The following KATNA1 variants were observed in gnomAD, a reference collection of about 807,000 sequenced individuals.
KATNA1 encodes katanin p60 ATPase-containing subunit A1.
Under a neutral mutation model 62.6 loss-of-function variants are expected in KATNA1, and 42 were observed. That is an observed-to-expected ratio of 0.67 (90% CI 0.52 to 0.87). The LOEUF is 0.87. Among genes scored for constraint, KATNA1 ranks in the 40% least tolerant of loss-of-function variants. The pLI is 0.00. For synonymous variants in KATNA1, 186 were observed against 201.9 expected (o/e 0.92, Z 0.67); for missense variants, 498 against 612.5 (o/e 0.81, Z 1.97).
intron 4 of KATNA1, among the ~76,000 whole-genome samples, chr6:149,620,635 T>C (rs1392691082): frequency 1.3e-5 from 2 of 152,278 alleles, no homozygotes; most frequent in East Asian, 1.9e-4. Context: ...CATTTTCAAA[T>C]AACTAGAAGA....
chr6:149,644,202 G>C (rs774216653), intron 1 of KATNA1, among the ~76,000 whole-genome samples: 5 of 152,046 alleles, frequency 3.3e-5, no homozygotes, highest in Admixed American at 6.6e-5. Flanking sequence ...GCTGCTAAAA[G>C]TATATAGTTG....
intron 2 of KATNA1, among the ~76,000 whole-genome samples, chr6:149,633,885 G>A (rs1241667366): frequency 6.6e-6 from 1 of 151,966 alleles, no homozygotes; most frequent in African/African-American, 2.4e-5. Context: ...GAACCTGGGA[G>A]GCGGAGGTTG....
chr6:149,610,169 A>T (rs967714720), intron 4 of KATNA1, among the ~76,000 whole-genome samples: 5 of 151,552 alleles, frequency 3.3e-5, no homozygotes, highest in African/African-American at 1.2e-4. Flanking sequence ...GTGTGGTAGC[A>T]CACATCTGTA....
At position 149,603,306 on chromosome 6, in the gene KATNA1, T is replaced by C. The variant is rs1015844305; in HGVS notation, c.691A>G (p.Met231Val). Reference sequence around the variant, plus strand: ...CTAATGCCCTTAAAGAATTCGGGCATCCACATTGGTAACACTACGGCTTCC... The same window carrying C: ...CTAATGCCCTTAAAGAATTCGGGCACCCACATTGGTAACACTACGGCTTCC... ...LKEAVVLPMW[M>V]PEFFKGIRRP... The change falls in exon 6 of 11, where the codon ATG becomes GTG. Residue 231 changes from methionine (M) to valine (V), a missense_variant. Transcript: ENST00000367411. The C allele has an allele frequency of 3.1e-6, 5 of 1,595,620 alleles. No homozygotes were observed. In the Admixed American group the frequency reaches 5.1e-5, roughly 16 times the overall value.
chr6:149,622,174 C>T (rs1207505691), intron 4 of KATNA1, among the ~76,000 whole-genome samples: 1 of 151,470 alleles, frequency 6.6e-6, no homozygotes, highest in Non-Finnish European at 1.5e-5. Flanking sequence ...GCTCTGTCGC[C>T]CAGGCTGGAG....
rs758877724 is a variant in KATNA1 at position 149,597,123 on chromosome 6, A to G, written c.1217T>C (p.Leu406Pro). 6.2e-7 allele frequency: 1 copy of G among 1,614,154 alleles called. No homozygotes were observed. Among genetic ancestry groups the G allele is most frequent in the East Asian group, 2.2e-5 (1 of 44,894 alleles). ...RELELADDVD[L>P]ASIAENMEGY... ...TTCCATGTTTTCTGCTATACTTGCA[A>G]GGTCAACATCATCAGCCAATTCCAA... The change falls in exon 10 of 11, where the codon CTT (leucine) becomes CCT (proline). Residue 406 changes from leucine to proline, a missense_variant. Around this residue, in one of 3 missense-constraint regions of KATNA1, gnomAD observed 267 missense variants for 372.6 expected, o/e 0.72. Transcript: ENST00000367411.
At chr6:149,646,800 C>T (rs908258108) in intron 1 of KATNA1, among the ~76,000 whole-genome samples, 2 of 152,138 alleles carry the variant, frequency 1.3e-5, no homozygotes, top group South Asian at 4.1e-4. Context: ...CAAGCCCTAT[C>T]GATAAACGCC....
chr6:149,622,252 C>T (rs1310252948), intron 4 of KATNA1, among the ~76,000 whole-genome samples: 2 of 152,050 alleles, frequency 1.3e-5, no homozygotes, highest in Non-Finnish European at 2.9e-5. Context: ...CCTGCCTCAG[C>T]CTCCTGAGTA....
chr6:149,637,553 G>C (rs540134145), intron 2 of KATNA1, among the ~76,000 whole-genome samples: 1 of 151,912 alleles, frequency 6.6e-6, no homozygotes, highest in Admixed American at 6.6e-5. Context: ...TTGGCTAGGC[G>C]TGGTGGCTCA....
chr6:149,596,839 G>A (rs756857599), intron 10 of KATNA1, among the ~76,000 whole-genome samples: 3 of 152,022 alleles, frequency 2.0e-5, no homozygotes, highest in Non-Finnish European at 2.9e-5. Context: ...GAGATTACAG[G>A]CGTGAGCCAC....
chr6:149,647,836 C>T (rs1474896696), intron 1 of KATNA1, among the ~76,000 whole-genome samples: 1 of 152,192 alleles, frequency 6.6e-6, no homozygotes, highest in African/African-American at 2.4e-5. Context: ...GCGGTTTTAA[C>T]AGGAAACTAT....
chr6:149,625,928 C>A (rs1281745778), intron 3 of KATNA1, among the ~76,000 whole-genome samples: 1 of 115,704 alleles, frequency 8.6e-6, no homozygotes, highest in South Asian at 2.7e-4. Flanking sequence ...AGCGAGACTC[C>A]ATCTCAAAAA....
chr6:149,598,476 A>C, intron 7 of KATNA1, 126 bp from the exon 8 acceptor site: 1 of 848,770 alleles, frequency 1.2e-6, no homozygotes, highest in Non-Finnish European at 1.8e-6. Context: ...TGTAATCCCA[A>C]CACTGGGAGG....
chr6:149,638,733 T>G (rs1299824793), intron 1 of KATNA1, 173 bp from the exon 2 acceptor site: 125 of 330,422 alleles, frequency 3.8e-4, no homozygotes, highest in South Asian at 1.2e-3. Context: ...AAACATTGTT[T>G]TTTTTTTTTT....
Position 149,594,956 on chromosome 6 carries a change from T to TA in KATNA1, c.*79dup. On this transcript the variant is annotated 3_prime_UTR_variant, in exon 11 of 11. Coordinates refer to ENST00000367411, the MANE Select transcript of KATNA1 (RefSeq NM_007044.4). ...TTACCATTATGAAAGTTAAAAAAAA[T>TA]ATAGCACTCAGTACAATGAATTACT... 3 of 1,077,374 alleles carry TA rather than the reference T, an allele frequency of 2.8e-6. No individual in the cohort carries two copies. Among genetic ancestry groups the TA allele is most frequent in the Non-Finnish European group, 4.0e-6 (3 of 744,234 alleles). The allele number at this position is 1,077,374 out of a possible 1,614,324, so 66.7% of individuals were successfully genotyped here. A position where few individuals can be genotyped will look rare whatever the true frequency, so the allele number is the denominator to read the frequency against.
intron 4 of KATNA1, among the ~76,000 whole-genome samples, chr6:149,611,259 C>T (rs1778941436): frequency 6.6e-6 from 1 of 151,720 alleles, no homozygotes; most frequent in South Asian, 2.1e-4. Context: ...ATCAGGAGTT[C>T]GAGACCAGCC....
In KATNA1 at chr6:149,613,229, A is replaced by G. The variant is rs931922470; in HGVS notation, c.502-8447T>C. On this transcript the variant is annotated intron_variant, in intron 4 of 10. Transcript: ENST00000367411. The stretch of plus-strand genomic sequence containing the variant: ...AAAAAAAAAAAAAAGAACATCTACA[A>G]AAACACCTCACCTACAGCTAACATT... 5.4e-5 allele frequency among the ~76,000 whole-genome samples: 8 copies of G among 148,338 alleles called. 1 individual carries two copies. The highest frequency in any genetic ancestry group is 1.5e-5 in the Non-Finnish European group (1 of 67,294).
chr6:149,624,268 C>T (rs148147746), intron 3 of KATNA1, among the ~76,000 whole-genome samples: 153 of 152,162 alleles, frequency 1.0e-3, no homozygotes, highest in African/African-American at 3.6e-3. Context: ...TCAATCTATA[C>T]CATAATTTTT....
intron 7 of KATNA1, 48 bp downstream of exon 7, chr6:149,601,546 C>G (rs771400273): frequency 6.7e-7 from 1 of 1,495,830 alleles, no homozygotes; most frequent in Admixed American, 2.2e-5. Flanking sequence ...CTCACTTTCT[C>G]CCCTTTTAGA....
Sources: allele counts gnomAD v4.1 joint callset (sites outside exome capture counted in the v4.1 genomes callset), GRCh38; gene constraint gnomAD v4.1.1; regional missense constraint gnomAD v4.1.1; transcripts MANE v1.5; gene names NCBI Gene and HGNC (gene_info 2026-07-23, HGNC 2026-07-21).